Variants in GRK5 observed in about 807,000 individuals in gnomAD.
GRK5 encodes the protein g protein-coupled receptor kinase GRK5.
In GRK5, 40 loss-of-function variants were observed where a neutral mutation model predicts 78.4. That is an observed-to-expected ratio of 0.51 (90% CI 0.40 to 0.66). GRK5 has a LOEUF of 0.66. Ranked by LOEUF, GRK5 falls within the 30% of genes least tolerant of loss-of-function variation. The pLI is 0.00. For missense variants in GRK5, 598 were observed against 759.9 expected (o/e 0.79, Z 2.50); for synonymous variants, 289 against 296.8 (o/e 0.97, Z 0.27).
chr10:119,253,240 G>C lies in GRK5; in HGVS notation c.52+45271G>C, dbSNP rs1294614741. On this transcript the variant is annotated intron_variant, in intron 1 of 15. Coordinates refer to ENST00000392870, the MANE Select transcript of GRK5 (RefSeq NM_005308.3). This position sits in a 1 kb window ranked among gnomAD's most constrained non-coding sequence, Gnocchi z 5.7. ...GTTGAGATTACAGAGGCCCTTGATA[G>C]AGTCCGAAATTTGAAGGACAAGCAA... is the stretch of plus-strand genomic sequence containing the variant. 6.6e-6 allele frequency among the ~76,000 whole-genome samples: 1 copy of C among 152,184 alleles called. No homozygotes were observed. Among genetic ancestry groups the C allele is most frequent in the African/African-American group, 2.4e-5 (1 of 41,448 alleles).
At chr10:119,443,872 G>GCAACCCCCACCCCCAT in intron 12 of GRK5, 120 bp downstream of exon 12, 1 of 850,432 alleles carries the variant, frequency 1.2e-6, no homozygotes, top group Non-Finnish European at 1.8e-6. Context: ...GCATGGGGGT[G>GCAACCCCCACCCCCAT]GGGGTTGCAG....
chr10:119,370,851 C>G (rs1020273861), intron 2 of GRK5, among the ~76,000 whole-genome samples: 1 of 152,108 alleles, frequency 6.6e-6, no homozygotes, highest in African/African-American at 2.4e-5. Context: ...ACCCCCTTCT[C>G]TGCCACAGCC....
intron 1 of GRK5, among the ~76,000 whole-genome samples, chr10:119,291,233 T>C (rs759344023): frequency 1.3e-5 from 2 of 152,168 alleles, no homozygotes; most frequent in Non-Finnish European, 2.9e-5. Flanking sequence ...AAAGCTGCCA[T>C]TGGAGGTGAA....
intron 1 of GRK5, among the ~76,000 whole-genome samples, chr10:119,228,377 G>C (rs1035630960): frequency 7.0e-6 from 1 of 143,676 alleles, no homozygotes; most frequent in Non-Finnish European, 1.5e-5. Flanking sequence ...AAACCAACCC[G>C]CCCCCCCGCA....
At chr10:119,305,114 G>C (rs769678620) in intron 1 of GRK5, among the ~76,000 whole-genome samples, 2 of 151,740 alleles carry the variant, frequency 1.3e-5, no homozygotes, top group Non-Finnish European at 2.9e-5. Context: ...GAGGTCTCCT[G>C]AGCTTCACCT....
At chr10:119,224,974 A>G (rs1343464462) in intron 1 of GRK5, among the ~76,000 whole-genome samples, 1 of 127,076 alleles carries the variant, frequency 7.9e-6, no homozygotes, top group Non-Finnish European at 1.8e-5. Context: ...TGCATTTTCC[A>G]CTGATAATTC....
chr10:119,355,581 C>A (rs910850425), intron 2 of GRK5, among the ~76,000 whole-genome samples: 15 of 152,202 alleles, frequency 9.9e-5, no homozygotes, highest in African/African-American at 3.4e-4. Context: ...GAGTTTGAGA[C>A]CAGCCTGACC....
intron 1 of GRK5, among the ~76,000 whole-genome samples, chr10:119,213,969 T>G (rs994093891): frequency 6.6e-6 from 1 of 151,650 alleles, no homozygotes; most frequent in Non-Finnish European, 1.5e-5. Context: ...TTACATGTTT[T>G]TTTGTTTGTT....
chr10:119,424,569 C>A (rs1373059035), intron 5 of GRK5, among the ~76,000 whole-genome samples: 2 of 151,510 alleles, frequency 1.3e-5, no homozygotes, highest in Non-Finnish European at 2.9e-5. Context: ...CCACCCACCA[C>A]CCCTGATTCC....
chr10:119,219,053 A>AT (rs1245750731), intron 1 of GRK5, among the ~76,000 whole-genome samples: 5 of 151,552 alleles, frequency 3.3e-5, no homozygotes, highest in East Asian at 1.9e-4. Context: ...ACGTGCTGGG[A>AT]TTTTTTTGTA....
chr10:119,425,356 C>T (rs1319693658), intron 6 of GRK5, among the ~76,000 whole-genome samples: 5 of 151,960 alleles, frequency 3.3e-5, no homozygotes, highest in East Asian at 1.9e-4. Flanking sequence ...ACTTCACTGT[C>T]TTTGTCAGCA....
chr10:119,390,727 T>A (rs1322174721), intron 3 of GRK5, among the ~76,000 whole-genome samples: 1 of 152,066 alleles, frequency 6.6e-6, no homozygotes. Flanking sequence ...ATATCAGATC[T>A]CGTGAGACTT....
At chr10:119,220,824 CA>C (rs546082321) in intron 1 of GRK5, among the ~76,000 whole-genome samples, 2,964 of 127,068 alleles carry the variant, frequency 0.023, 59 homozygotes, top group South Asian at 0.067. Context: ...GACAGAGGCT[CA>C]AAAAAAAAAA....
chr10:119,397,000 GC>G (rs1354890175), intron 4 of GRK5, among the ~76,000 whole-genome samples: 1 of 152,364 alleles, frequency 6.6e-6, no homozygotes, highest in Non-Finnish European at 1.5e-5. Flanking sequence ...CGGGATGCCT[GC>G]TTCTTGGGGC....
intron 2 of GRK5, among the ~76,000 whole-genome samples, chr10:119,342,911 A>T (rs1434307071): frequency 6.6e-6 from 1 of 151,994 alleles, no homozygotes; most frequent in Non-Finnish European, 1.5e-5. Flanking sequence ...CAACGCCCTC[A>T]TCTCATTCAT....
chr10:119,318,450 A>G (rs1850528485), intron 1 of GRK5, among the ~76,000 whole-genome samples: 1 of 152,188 alleles, frequency 6.6e-6, no homozygotes, highest in South Asian at 2.1e-4. Context: ...ATCCCTCCCA[A>G]GGATGGTATG....
chr10:119,359,703 C>T (rs180880128), intron 2 of GRK5, among the ~76,000 whole-genome samples: 53 of 152,302 alleles, frequency 3.5e-4, no homozygotes, highest in African/African-American at 1.2e-3. Context: ...CTTCCTCATC[C>T]GGTATCTGTC....
intron 3 of GRK5, among the ~76,000 whole-genome samples, chr10:119,394,516 T>G (rs1350141398): frequency 1.1e-4 from 1 of 9,520 alleles, no homozygotes. Flanking sequence ...CACGTGTGTG[T>G]GGGTGTGTGT....
chr10:119,392,727 C>T (rs1760755678), intron 3 of GRK5, among the ~76,000 whole-genome samples: 1 of 152,162 alleles, frequency 6.6e-6, no homozygotes, highest in African/African-American at 2.4e-5. Flanking sequence ...ATGAACAGAA[C>T]AGCAGAGGTG....
Sources: allele counts gnomAD v4.1 joint callset (sites outside exome capture counted in the v4.1 genomes callset), GRCh38; gene constraint gnomAD v4.1.1; non-coding constraint Gnocchi (gnomAD v3.1); transcripts MANE v1.5; gene names NCBI Gene and HGNC (gene_info 2026-07-23, HGNC 2026-07-21).